CLIP4: variants seen among roughly 807,000 people sequenced by gnomAD.
The protein encoded by CLIP4 is CAP-Gly domain-containing linker protein 4.
CLIP4 carries 47 observed loss-of-function variants against 73.1 expected under a neutral mutation model. That is an observed-to-expected ratio of 0.64 (90% confidence interval 0.51 to 0.82). The LOEUF is 0.82. CLIP4 is among the 40% of genes least tolerant of loss of function. CLIP4 has a pLI of 0.00. For synonymous variants in CLIP4, 306 were observed against 295.4 expected, an observed-to-expected ratio of 1.04 and a Z score of -0.37; for missense variants, 874 against 852.9, an observed-to-expected ratio of 1.02 and a Z score of -0.31.
At chr2:29,162,077 A>G (rs1021488248) in intron 12 of CLIP4, among the ~76,000 whole-genome samples, 1 of 152,172 alleles carries the variant, frequency 6.6e-6, no homozygotes, top group African/African-American at 2.4e-5. Flanking sequence ...ACTTAACCGC[A>G]CAGGTAGGTT....
At chr2:29,124,606 T>TA (rs1664477777) in intron 2 of CLIP4, among the ~76,000 whole-genome samples, 2 of 32,614 alleles carry the variant, frequency 6.1e-5, no homozygotes, top group East Asian at 4.1e-3. Flanking sequence ...GTCCCATAAC[T>TA]CACTGATTTA....
At chr2:29,162,269 A>T (rs1227290716) in intron 12 of CLIP4, among the ~76,000 whole-genome samples, 1 of 152,206 alleles carries the variant, frequency 6.6e-6, no homozygotes, top group African/African-American at 2.4e-5. Flanking sequence ...AAAAGTGGAA[A>T]CTTTTTTGTT....
chr2:29,180,085 C>G (rs988701931), intron 15 of CLIP4, among the ~76,000 whole-genome samples: 1 of 152,146 alleles, frequency 6.6e-6, no homozygotes, highest in South Asian at 2.1e-4. Context: ...AGATTCTGTT[C>G]ACAACAAGAT....
chr2:29,146,262 T>G (rs750489609), intron 8 of CLIP4, among the ~76,000 whole-genome samples: 44 of 152,114 alleles, frequency 2.9e-4, no homozygotes, highest in Non-Finnish European at 5.6e-4. Context: ...CAGACCTCCC[T>G]CAAATCCTGC....
At chr2:29,134,986 C>T (rs1437379324) in intron 5 of CLIP4, among the ~76,000 whole-genome samples, 1 of 151,946 alleles carries the variant, frequency 6.6e-6, no homozygotes, top group Non-Finnish European at 1.5e-5. Flanking sequence ...CTGTAAAGGG[C>T]CAGCTACTAA....
At chr2:29,104,318 C>T (rs1464963405) in intron 1 of CLIP4, among the ~76,000 whole-genome samples, 1 of 152,246 alleles carries the variant, frequency 6.6e-6, no homozygotes, top group East Asian at 1.9e-4. Context: ...CTCTGTCACC[C>T]AGGCTGGAGT....
intron 2 of CLIP4, among the ~76,000 whole-genome samples, chr2:29,129,417 A>G (rs1410211940): frequency 1.3e-5 from 2 of 152,014 alleles, no homozygotes; most frequent in Non-Finnish European, 1.5e-5. Flanking sequence ...ACTTATGTCT[A>G]TTGAACATAC....
Position 29,143,811 on chromosome 2 carries a change from C to T in CLIP4, c.751C>T (p.Leu251Phe). 1 of 1,614,070 alleles carries T rather than the reference C, an allele frequency of 6.2e-7. No individual in the cohort carries two copies. Among genetic ancestry groups the T allele is most frequent in the African/African-American group, 1.3e-5 (1 of 75,036 alleles). The change falls in exon 7 of 16, where the codon CTT becomes TTT. Residue 251 changes from leucine to phenylalanine, a missense_variant. Physicochemically the swap from Leu to Phe is conservative, Grantham distance 22 (BLOSUM62 0). Coordinates refer to ENST00000320081, the MANE Select transcript of CLIP4 (RefSeq NM_024692.6). The stretch of plus-strand genomic sequence containing the variant: ...CACTGCTAAGGAAATCAAGCAGATG[C>T]TTCTAGATGCGGTGCCTCTGTCATG... ...AATAKEIKQM[L>F]LDAVPLSCNI...
intron 6 of CLIP4, among the ~76,000 whole-genome samples, chr2:29,141,750 C>T (rs3100223): frequency 0.43 from 65,392 of 150,814 alleles, 15,078 homozygotes; most frequent in African/African-American, 0.61. Context: ...GACAAGTCTT[C>T]TTTTTTTTTA....
intron 10 of CLIP4, among the ~76,000 whole-genome samples, 188 bp downstream of exon 10, chr2:29,156,631 A>G (rs1356704459): frequency 6.6e-6 from 1 of 152,206 alleles, no homozygotes; most frequent in Non-Finnish European, 1.5e-5. Context: ...TTTTGTGTGT[A>G]AAGTACTGCA....
intron 14 of CLIP4, among the ~76,000 whole-genome samples, chr2:29,173,514 C>T (rs1475930179): frequency 6.6e-6 from 1 of 152,222 alleles, no homozygotes; most frequent in Non-Finnish European, 1.5e-5. Context: ...CTCTGGAATT[C>T]AGCGGAAAGC....
At position 29,182,977 on chromosome 2, in the gene CLIP4, T is replaced by C. The variant is rs185215915; in HGVS notation, c.*1084T>C. 3.5e-3 allele frequency: 541 copies of C among 152,612 alleles called. 1 individual carries two copies. The highest frequency in any genetic ancestry group is 6.1e-3 in the Non-Finnish European group (413 of 68,018). 9.5% of individuals were successfully genotyped at this position (152,612 alleles called of 1,614,324 possible). Reference sequence around the variant, plus strand: ...TTTGTTTTGTTACTCATAGAACTGGTGTTGTTTGCTGTTTTTATTTCTCTA... The same window carrying C: ...TTTGTTTTGTTACTCATAGAACTGGCGTTGTTTGCTGTTTTTATTTCTCTA... On this transcript the variant is annotated 3_prime_UTR_variant, in exon 16 of 16. Transcript: ENST00000320081.
At chr2:29,159,683 TAAAAAAAAAA>T (rs56927221) in intron 11 of CLIP4, among the ~76,000 whole-genome samples, 5 of 114,140 alleles carry the variant, frequency 4.4e-5, no homozygotes. Context: ...CCTGTTTCTT[TAAAAAAAAAA>T]AAAAAAAAAA....
chr2:29,138,953 G>A (rs1166596122), intron 6 of CLIP4, among the ~76,000 whole-genome samples: 1 of 151,902 alleles, frequency 6.6e-6, no homozygotes, highest in Non-Finnish European at 1.5e-5. Flanking sequence ...GTGAAGAGAG[G>A]TAATTTGACC....
rs371657198 is a variant in CLIP4 at position 29,131,404 on chromosome 2, A to G, written c.273+7A>G. ...TGACATTATTGGAAATGAGGTAAGG[A>G]ATTCTTACATTTTAAGTTTTGCATT... is the stretch of plus-strand genomic sequence containing the variant. On this transcript the variant is annotated splice_region_variant and intron_variant, in intron 3 of 15. Transcript: ENST00000320081. 46 of 1,583,534 alleles carry G rather than the reference A, an allele frequency of 2.9e-5. No homozygotes were observed. The highest frequency in any genetic ancestry group is 1.7e-4 in the Middle Eastern group (1 of 5,888).
At chr2:29,120,300 A>G (rs1487940675) in intron 1 of CLIP4, among the ~76,000 whole-genome samples, 1 of 152,194 alleles carries the variant, frequency 6.6e-6, no homozygotes, top group African/African-American at 2.4e-5. Context: ...AGTTCCTGCC[A>G]GTATTAAGAA....
rs555752960 is a variant in CLIP4, at chr2:29,098,623, T to C, written c.-16+676T>C. ...TTATCCATTCACTTACTGAGGAATG[T>C]CTTGGTTGTTTCCAGTTTTGTCAAT... On this transcript the variant is annotated intron_variant, in intron 1 of 14. Transcript: ENST00000401605. Among the ~76,000 whole-genome samples the C allele has an allele frequency of 9.8e-5, 15 of 152,350 alleles. No homozygotes were observed. In the East Asian group the frequency reaches 2.5e-3, roughly 25 times the overall value.
upstream of CLIP4, chr2:29,114,871 T>A (rs1668490012): frequency 6.6e-6 from 1 of 152,292 alleles, no homozygotes; most frequent in East Asian, 1.9e-4. Flanking sequence ...GGACTCACTA[T>A]GTGTCCAGTA....
chr2:29,118,734 G>A (rs1664047242), intron 1 of CLIP4, among the ~76,000 whole-genome samples: 1 of 151,988 alleles, frequency 6.6e-6, no homozygotes, highest in Non-Finnish European at 1.5e-5. Flanking sequence ...TGGTCAGGCT[G>A]GTCTCGAATG....
Sources: allele counts gnomAD v4.1 joint callset (sites outside exome capture counted in the v4.1 genomes callset), GRCh38; gene constraint gnomAD v4.1.1; transcripts MANE v1.5; gene names NCBI Gene and HGNC (gene_info 2026-07-23, HGNC 2026-07-21).